CYP26C1: variants seen among roughly 807,000 people sequenced by gnomAD.
CYP26C1 encodes cytochrome P450 family 26 subfamily C member 1.
In CYP26C1, 41 loss-of-function variants were observed where a neutral mutation model predicts 39.1. That is an observed-to-expected ratio of 1.05 (90% CI 0.82 to 1.36). The LOEUF (loss-of-function observed/expected upper bound fraction) is 1.36. Ranked by LOEUF, CYP26C1 falls within the 40% of genes most tolerant of loss-of-function variation. CYP26C1 has a pLI of 0.00. For missense variants in CYP26C1, 833 were observed against 752.0 expected, an observed-to-expected ratio of 1.11 and a Z score of -1.26; for synonymous variants, 362 against 350.8, an observed-to-expected ratio of 1.03 and a Z score of -0.36.
chr10:93,062,381 T>A, intron 2 of CYP26C1, 147 bp downstream of exon 2: 1 of 778,062 alleles, frequency 1.3e-6, no homozygotes, highest in Non-Finnish European at 2.0e-6. Flanking sequence ...GGCGGGTCCG[T>A]TACCTTCAGC....
intron 1 of CYP26C1, among the ~76,000 whole-genome samples, 186 bp downstream of exon 1, chr10:93,061,653 C>A (rs1336348474): frequency 6.6e-6 from 1 of 151,976 alleles, no homozygotes; most frequent in Non-Finnish European, 1.5e-5. Context: ...GACCTCAAGT[C>A]ACTGGAATTC....
rs776595637 is a variant in CYP26C1, at chr10:93,065,992, A to G, written c.898A>G (p.Thr300Ala). The G allele has an allele frequency of 2.5e-6, 4 of 1,583,622 alleles. No homozygotes were observed. Among genetic ancestry groups the G allele is most frequent in the Non-Finnish European group, 8.6e-7 (1 of 1,166,852 alleles). ...AVELLFAAFF[T>A]TASASTSLVL... is the part of the protein sequence containing the mutation. Reference sequence around the variant, plus strand: ...GGAGCTCCTCTTCGCCGCCTTCTTCACCACGGCCAGTGCCAGCACCTCGCT... The same window carrying G: ...GGAGCTCCTCTTCGCCGCCTTCTTCGCCACGGCCAGTGCCAGCACCTCGCT... Residue 300 changes from threonine to alanine, a missense_variant, in exon 5 of 6, where the codon ACC (threonine) becomes GCC (alanine). Physicochemically the swap from Thr to Ala is moderately conservative, Grantham distance 58. Coordinates refer to ENST00000651965, the MANE Select transcript of CYP26C1 (RefSeq NM_183374.3).
In CYP26C1 at chr10:93,068,307, C is replaced by T. The variant is rs148787730; in HGVS notation, c.1192-13C>T. ...TGCCTCGTGGTCAGGCTGATCTCCTCGCCTCTCTGCAGGGCTACCAGATCC... is the reference window on the plus strand; with the variant it reads ...TGCCTCGTGGTCAGGCTGATCTCCTTGCCTCTCTGCAGGGCTACCAGATCC... On this transcript the variant is annotated splice_polypyrimidine_tract_variant and intron_variant, in intron 5 of 5. Coordinates refer to ENST00000651965, the MANE Select transcript of CYP26C1 (RefSeq NM_183374.3). 9.3e-6 allele frequency: 14 copies of T among 1,497,390 alleles called. No homozygotes were observed. Among genetic ancestry groups the T allele is most frequent in the Middle Eastern group, 3.6e-4 (2 of 5,544 alleles). The allele number at this position is 1,497,390 out of a possible 1,614,324, so 92.8% of individuals were successfully genotyped here.
Position 93,066,230 on chromosome 10 carries a change from T to C in CYP26C1, c.1136T>C (p.Leu379Pro). 1 of 1,473,556 alleles carries C rather than the reference T, an allele frequency of 6.8e-7. No individual in the cohort carries two copies. The highest frequency in any genetic ancestry group is 9.0e-7 in the Non-Finnish European group (1 of 1,115,134). 91.3% of individuals were successfully genotyped at this position (1,473,556 alleles called of 1,614,324 possible). A position where few individuals can be genotyped will look rare whatever the true frequency, so the allele number is the denominator to read the frequency against. Residue 379 changes from leucine (L) to proline (P), a missense_variant, in exon 5 of 6, where the codon CTC becomes CCC. By Grantham distance (98) the Leu-to-Pro change is moderately conservative (BLOSUM62 -3). Coordinates refer to ENST00000651965, the MANE Select transcript of CYP26C1 (RefSeq NM_183374.3). ...VDCVVKEVLR[L>P]LPPVSGGYRT... ...TGCGTGGTCAAGGAGGTGCTGCGCCTCCTGCCGCCAGTGTCCGGGGGCTAC... is the reference window on the plus strand; with the variant it reads ...TGCGTGGTCAAGGAGGTGCTGCGCCCCCTGCCGCCAGTGTCCGGGGGCTAC...
At position 93,068,615 on chromosome 10, in the gene CYP26C1, C is replaced by T; in HGVS notation, c.1487C>T (p.Pro496Leu). 1.2e-6 allele frequency: 2 copies of T among 1,600,566 alleles called. No homozygotes were observed. Among genetic ancestry groups the T allele is most frequent in the Non-Finnish European group, 8.5e-7 (1 of 1,174,238 alleles). ...GCCTTCCCCGCCATGCAGACGGTGC[C>T]CATCGTGCACCCAGTGGACGGGCTG... ...TPAFPAMQTVPIVHPVDGLRL... is the reference protein window; with the variant it reads ...TPAFPAMQTVLIVHPVDGLRL... Residue 496 changes from proline to leucine, a missense_variant, in exon 6 of 6, where the codon CCC becomes CTC. Physicochemically the swap from Pro to Leu is moderately conservative, Grantham distance 98 (BLOSUM62 -3). Transcript: ENST00000651965.
In CYP26C1 at chr10:93,062,109, G is replaced by C; in HGVS notation, c.304G>C (p.Val102Leu). Residue 102 changes from valine to leucine, a missense_variant, in exon 2 of 6, where the codon GTG becomes CTG. Val to Leu is a conservative substitution (Grantham distance 32). Coordinates refer to ENST00000651965, the MANE Select transcript of CYP26C1 (RefSeq NM_183374.3). Reference sequence around the variant, plus strand: ...GATCCGCGTGAGCGGCGCGGAGAACGTGCGCACCATCCTGCTGGGCGAGCA... The same window carrying C: ...GATCCGCGTGAGCGGCGCGGAGAACCTGCGCACCATCCTGCTGGGCGAGCA... ...PVIRVSGAEN[V>L]RTILLGEHRL... 1 of 1,563,348 alleles carries C rather than the reference G, an allele frequency of 6.4e-7. No individual in the cohort carries two copies. Among genetic ancestry groups the C allele is most frequent in the South Asian group, 1.2e-5 (1 of 84,958 alleles).
In CYP26C1 at chr10:93,062,860, C is replaced by T; in HGVS notation, c.570C>T (p.Phe190=). ...SVYDASKALT[F]RMAARILLGL... is the part of the protein sequence containing the mutation. ...ACGACGCCTCCAAAGCGCTCACCTT[C>T]CGCATGGCCGCGCGCATCCTGCTGG... Residue 190 remains phenylalanine, a synonymous_variant, in exon 3 of 6, where the codon TTC becomes TTT. Transcript: ENST00000651965. The T allele has an allele frequency of 1.2e-6, 2 of 1,601,490 alleles. No homozygotes were observed. Among genetic ancestry groups the T allele is most frequent in the Non-Finnish European group, 1.7e-6 (2 of 1,178,472 alleles).
At chr10:93,067,635 T>C (rs920584783) in intron 5 of CYP26C1, among the ~76,000 whole-genome samples, 1 of 152,114 alleles carries the variant, frequency 6.6e-6, no homozygotes, top group East Asian at 1.9e-4. Context: ...TGGAACTTGA[T>C]ATGAGGGTAG....
In CYP26C1 at chr10:93,064,326, G is replaced by C. The variant is rs937967254; in HGVS notation, c.706-55G>C. 6 of 1,550,142 alleles carry C rather than the reference G, an allele frequency of 3.9e-6. No homozygotes were observed. In the East Asian group the frequency reaches 1.4e-4, roughly 36 times the overall value. On this transcript the variant is annotated intron_variant, in intron 3 of 5. Transcript: ENST00000651965. ...GAGAAGGTTTTCTGGGTAAGTGGCC[G>C]GGCTTGGCCCCCTTAGCCTTCCTGC...
chr10:93,065,970 G>A lies in CYP26C1; in HGVS notation c.876G>A (p.Glu292=), dbSNP rs761266356. 4 of 1,582,152 alleles carry A rather than the reference G, an allele frequency of 2.5e-6. No homozygotes were observed. The highest frequency in any genetic ancestry group is 3.4e-6 in the Non-Finnish European group (4 of 1,166,104). ...CTGTCTTGCAGGAGTCGGCTGTGGA[G>A]CTCCTCTTCGCCGCCTTCTTCACCA... The part of the protein sequence containing the change: ...SMQELKESAV[E]LLFAAFFTTA... Residue 292 remains glutamate (E), a synonymous_variant, in exon 5 of 6, where the codon GAG becomes GAA. Transcript: ENST00000651965.
At position 93,064,551 on chromosome 10, in the gene CYP26C1, G is replaced by A. The variant is rs376995143; in HGVS notation, c.861+15G>A. The A allele has an allele frequency of 1.9e-6, 3 of 1,605,780 alleles. No homozygotes were observed. The highest frequency in any genetic ancestry group is 2.7e-5 in the African/African-American group (2 of 74,738). ...AGGAGCTGAAGGTAGGTGCTGACAG[G>A]CCGCTCCTTCTCCCCTCTTTTGCAT... On this transcript the variant is annotated intron_variant, in intron 4 of 5. Coordinates refer to ENST00000651965, the MANE Select transcript of CYP26C1 (RefSeq NM_183374.3).
chr10:93,062,257 C>T (rs1304815568), intron 2 of CYP26C1, 23 bp downstream of exon 2: 1 of 1,501,336 alleles, frequency 6.7e-7, no homozygotes, highest in Admixed American at 2.1e-5. Context: ...GGGAATGGAC[C>T]GTAGATACGT....
In CYP26C1 at chr10:93,066,180, G is replaced by T; in HGVS notation, c.1086G>T (p.Ala362=). 6.9e-7 allele frequency: 1 copy of T among 1,459,606 alleles called. No homozygotes were observed. Among genetic ancestry groups the T allele is most frequent in the Non-Finnish European group, 9.0e-7 (1 of 1,107,166 alleles). The allele number at this position is 1,459,606 out of a possible 1,614,324, so 90.4% of individuals were successfully genotyped here. A position where few individuals can be genotyped will look rare whatever the true frequency, so the allele number is the denominator to read the frequency against. ...CGCEPDLSLA[A]LGRLRYVDCV... ...GCGAGCCCGACCTCAGCCTCGCGGC[G>T]CTGGGCCGTCTGCGCTACGTCGACT... The change falls in exon 5 of 6, where the codon GCG becomes GCT. Residue 362 remains alanine, a synonymous_variant. Transcript: ENST00000651965.
rs369389252 is a variant in CYP26C1, at chr10:93,068,424, C to T, written c.1296C>T (p.Arg432=). The change falls in exon 6 of 6, where the codon CGC becomes CGT. Residue 432 remains arginine, a synonymous_variant. Coordinates refer to ENST00000651965, the MANE Select transcript of CYP26C1 (RefSeq NM_183374.3). Reference sequence around the variant, plus strand: ...CTCCCGAAGGCTTCGATCCAGAGCGCTTCGGCGCAGCGCGCGAAGATTCCC... The same window carrying T: ...CTCCCGAAGGCTTCGATCCAGAGCGTTTCGGCGCAGCGCGCGAAGATTCCC... ...RSPPEGFDPE[R]FGAAREDSRG... 6.2e-7 allele frequency: 1 copy of T among 1,612,252 alleles called. No homozygotes were observed. Among genetic ancestry groups the T allele is most frequent in the Middle Eastern group, 1.7e-4 (1 of 6,054 alleles).
At chr10:93,065,527 G>A (rs1846814253) in intron 4 of CYP26C1, among the ~76,000 whole-genome samples, 1 of 152,174 alleles carries the variant, frequency 6.6e-6, no homozygotes, top group African/African-American at 2.4e-5. Flanking sequence ...AAGAGCACTG[G>A]ACTCCTGCCG....
In CYP26C1 at chr10:93,068,513, A is replaced by G. The variant is rs1379684154; in HGVS notation, c.1385A>G (p.Gln462Arg). ...FGGGARSCLGQELAQAVLQLL... is the reference protein window; with the variant it reads ...FGGGARSCLGRELAQAVLQLL... The stretch of plus-strand genomic sequence containing the variant: ...GGCGGTGCGCGCAGCTGCCTCGGCC[A>G]GGAGCTGGCGCAAGCCGTGCTCCAG... The change falls in exon 6 of 6, where the codon CAG (glutamine) becomes CGG (arginine). Residue 462 changes from glutamine (Q) to arginine (R), a missense_variant. Coordinates refer to ENST00000651965, the MANE Select transcript of CYP26C1 (RefSeq NM_183374.3). The G allele has an allele frequency of 6.2e-7, 1 of 1,605,364 alleles. No individual in the cohort carries two copies.
intron 3 of CYP26C1, chr10:93,064,060 G>A (rs1846784454): frequency 8.8e-7 from 1 of 1,136,612 alleles, no homozygotes; most frequent in African/African-American, 1.6e-5. Context: ...CTCTGTGCCA[G>A]GCATGGACAT....
Position 93,062,713 on chromosome 10 carries a change from C to T in CYP26C1, c.430-7C>T. On this transcript the variant is annotated splice_polypyrimidine_tract_variant and splice_region_variant and intron_variant, in intron 2 of 5. Coordinates refer to ENST00000651965, the MANE Select transcript of CYP26C1 (RefSeq NM_183374.3). The stretch of plus-strand genomic sequence containing the variant: ...GCCGCCAGCGCTGATCACGCGCGCT[C>T]CCACAGGTCCTGGCGCGCGTGTTCA... The T allele has an allele frequency of 7.1e-7, 1 of 1,404,152 alleles. No individual in the cohort carries two copies. The highest frequency in any genetic ancestry group is 2.8e-5 in the East Asian group (1 of 35,526). The allele number at this position is 1,404,152 out of a possible 1,614,324, so 87.0% of individuals were successfully genotyped here. A position where few individuals can be genotyped will look rare whatever the true frequency, so the allele number is the denominator to read the frequency against.
intron 5 of CYP26C1, 38 bp downstream of exon 5, chr10:93,066,323 C>T: frequency 7.9e-7 from 1 of 1,263,628 alleles, no homozygotes; most frequent in Non-Finnish European, 1.0e-6. Flanking sequence ...AGCCTCCTGC[C>T]TCCTGCCGCC....
Sources: gnomAD v4.1 joint callset for allele counts (sites outside exome capture counted in the v4.1 genomes callset) on GRCh38, gnomAD v4.1.1 for gene constraint, MANE v1.5 for transcripts, NCBI Gene and HGNC (gene_info 2026-07-23, HGNC 2026-07-21) for gene names.